RFX4: variants seen among roughly 807,000 people sequenced by gnomAD.
The protein encoded by RFX4 is transcription factor RFX4.
A neutral mutation model predicts 95.0 loss-of-function variants in RFX4; 10 were observed. That is an observed-to-expected ratio of 0.11 (90% confidence interval 0.06 to 0.18). The LOEUF (loss-of-function observed/expected upper bound fraction) is 0.18, where lower values mean the gene tolerates loss of function less well. Ranked by LOEUF, RFX4 falls within the 10% of genes least tolerant of loss-of-function variation. RFX4 has a pLI of 1.00. For missense variants in RFX4, 640 were observed against 922.0 expected (o/e 0.69, Z 3.96); for synonymous variants, 321 against 340.7 (o/e 0.94, Z 0.64).
chr12:106,762,224 A>G lies in RFX4; in HGVS notation c.*755A>G, dbSNP rs2136111147. 1 of 152,772 alleles carries G rather than the reference A, an allele frequency of 6.5e-6. No individual in the cohort carries two copies. Among genetic ancestry groups the G allele is most frequent in the South Asian group, 2.1e-4 (1 of 4,828 alleles). The allele number at this position is 152,772 out of a possible 1,614,324, so 9.5% of individuals were successfully genotyped here. Reference sequence around the variant, plus strand: ...AGTTTGCACAATGGCTAGTGTCAGCAAAAGGCAGGAGAGGGTTTTTGTTTT... The same window carrying G: ...AGTTTGCACAATGGCTAGTGTCAGCGAAAGGCAGGAGAGGGTTTTTGTTTT... On this transcript the variant is annotated 3_prime_UTR_variant, in exon 18 of 18. Transcript: ENST00000392842.
chr12:106,728,114 T>C (rs2042539311), intron 13 of RFX4, among the ~76,000 whole-genome samples: 1 of 152,074 alleles, frequency 6.6e-6, no homozygotes, highest in Admixed American at 6.5e-5. Context: ...ATGATGCATA[T>C]TTTTCATAAG....
At chr12:106,696,542 G>A in intron 8 of RFX4, 96 bp downstream of exon 8, 1 of 1,342,116 alleles carries the variant, frequency 7.5e-7, no homozygotes, top group Non-Finnish European at 1.0e-6. Flanking sequence ...CTGTCCAGAG[G>A]CCTCCCTTGT....
intron 13 of RFX4, among the ~76,000 whole-genome samples, chr12:106,728,121 TAAGA>T (rs1424592877): frequency 6.6e-6 from 1 of 152,106 alleles, no homozygotes; most frequent in Non-Finnish European, 1.5e-5. Flanking sequence ...ATATTTTTCA[TAAGA>T]AAGATGAAAT....
chr12:106,712,912 G>A (rs12578331), intron 10 of RFX4, among the ~76,000 whole-genome samples: 1 of 152,134 alleles, frequency 6.6e-6, no homozygotes, highest in East Asian at 1.9e-4. Flanking sequence ...CTGGGGATCA[G>A]ACAATTTAGA....
intron 14 of RFX4, among the ~76,000 whole-genome samples, chr12:106,732,665 A>G (rs1034770916): frequency 1.3e-5 from 2 of 152,072 alleles, no homozygotes; most frequent in Non-Finnish European, 2.9e-5. Flanking sequence ...GCGCCACTGC[A>G]CTCCAGCCTG....
rs544089576 is a variant in RFX4 at position 106,689,013 on chromosome 12, G to C, written c.592-274G>C. ...GTTTTCCTAGAGCTCACAGTCTCAG[G>C]GGGTGGAAAATGGGGGCAGGAGGAG... On this transcript the variant is annotated intron_variant, in intron 6 of 17. Coordinates refer to ENST00000392842, the MANE Select transcript of RFX4 (RefSeq NM_213594.3). Among the ~76,000 whole-genome samples the C allele has an allele frequency of 9.1e-4, 139 of 152,252 alleles. 1 individual carries two copies. In the South Asian group the frequency reaches 0.027, roughly 30 times the overall value.
chr12:106,721,757 G>A (rs1253722466), intron 13 of RFX4, among the ~76,000 whole-genome samples: 1 of 152,142 alleles, frequency 6.6e-6, no homozygotes, highest in African/African-American at 2.4e-5. Flanking sequence ...TGCAAGTAAG[G>A]GTTGTGGTTT....
At chr12:106,670,896 C>T (rs932010012) in intron 4 of RFX4, among the ~76,000 whole-genome samples, 1 of 152,164 alleles carries the variant, frequency 6.6e-6, no homozygotes. Context: ...AAATTTGTGA[C>T]AATTAGTTCC....
rs754808212 is a variant in RFX4, at chr12:106,688,064, CTT to C, written c.591+989_591+990del. ...AAGTTTCCCTTGGGGTATCACATTTCTTTTTTTTTTTTTTTTTTTTTTTGAGA... is the reference window on the plus strand; with the variant it reads ...AAGTTTCCCTTGGGGTATCACATTTCTTTTTTTTTTTTTTTTTTTTTGAGA... On this transcript the variant is annotated intron_variant, in intron 6 of 17. Coordinates refer to ENST00000392842, the MANE Select transcript of RFX4 (RefSeq NM_213594.3). Among the ~76,000 whole-genome samples the C allele has an allele frequency of 3.6e-4, 35 of 96,226 alleles. No individual in the cohort carries two copies. In the East Asian group the frequency reaches 5.8e-3, roughly 16 times the overall value. The allele number at this position is 96,226 out of a possible 152,430, so 63.1% of individuals were successfully genotyped here. A position where few individuals can be genotyped will look rare whatever the true frequency, so the allele number is the denominator to read the frequency against.
chr12:106,695,977 C>T (rs538129729), intron 7 of RFX4, among the ~76,000 whole-genome samples: 2 of 152,326 alleles, frequency 1.3e-5, no homozygotes, highest in Non-Finnish European at 2.9e-5. Flanking sequence ...TCTTCCCAGA[C>T]CTCAGTAAGC....
chr12:106,629,476 T>G (rs1194890248), intron 2 of RFX4, among the ~76,000 whole-genome samples: 1 of 152,118 alleles, frequency 6.6e-6, no homozygotes, highest in Non-Finnish European at 1.5e-5. Flanking sequence ...TTTGTTGTTT[T>G]GTTTTGTTTT....
Position 106,696,267 on chromosome 12 carries a change from C to T in RFX4, c.670-16C>T. The stretch of plus-strand genomic sequence containing the variant: ...CTGGGTAACCTCATGATTCTTCTCT[C>T]TGTGGGTCAATACAGGTTCAAAGTT... On this transcript the variant is annotated splice_polypyrimidine_tract_variant and intron_variant, in intron 7 of 17. Transcript: ENST00000392842. The T allele has an allele frequency of 6.2e-7, 1 of 1,614,000 alleles. No individual in the cohort carries two copies. Among genetic ancestry groups the T allele is most frequent in the Non-Finnish European group, 8.5e-7 (1 of 1,179,896 alleles).
chr12:106,591,545 C>T (rs552414856), intron 1 of RFX4, among the ~76,000 whole-genome samples: 6 of 152,188 alleles, frequency 3.9e-5, no homozygotes, highest in African/African-American at 1.2e-4. Context: ...GGATTACAGG[C>T]GTGAGCCATC....
intron 15 of RFX4, 191 bp downstream of exon 15, chr12:106,733,276 A>T: frequency 3.5e-6 from 2 of 576,298 alleles, no homozygotes. Context: ...CTACGATCGC[A>T]CCACTGCATT....
intron 15 of RFX4, among the ~76,000 whole-genome samples, 175 bp from the exon 16 acceptor site, chr12:106,747,262 A>C (rs923528776): frequency 6.6e-6 from 1 of 152,224 alleles, no homozygotes. Context: ...GCTGGACCAG[A>C]CAAAACAAAG....
intron 17 of RFX4, among the ~76,000 whole-genome samples, chr12:106,756,930 C>T (rs78483492): frequency 3.8e-4 from 58 of 152,242 alleles, no homozygotes; most frequent in African/African-American, 1.0e-3. Flanking sequence ...GGCCTAGCAC[C>T]GAACTTGGCC....
intron 15 of RFX4, among the ~76,000 whole-genome samples, chr12:106,744,557 C>T (rs2042858930): frequency 6.6e-6 from 1 of 152,132 alleles, no homozygotes; most frequent in African/African-American, 2.4e-5. Context: ...TACCACGTGC[C>T]AAACTCTCTG....
intron 15 of RFX4, among the ~76,000 whole-genome samples, chr12:106,735,689 C>T (rs926720803): frequency 1.5e-5 from 2 of 132,162 alleles, no homozygotes; most frequent in Non-Finnish European, 3.2e-5. Flanking sequence ...TATATGTACA[C>T]ACATGTATTT....
intron 1 of RFX4, among the ~76,000 whole-genome samples, chr12:106,589,653 C>T (rs2039510517): frequency 6.6e-6 from 1 of 152,176 alleles, no homozygotes; most frequent in Non-Finnish European, 1.5e-5. Flanking sequence ...GGCCACATCA[C>T]CTAGACTCTG....
Sources: gnomAD v4.1 joint callset for allele counts (sites outside exome capture counted in the v4.1 genomes callset) on GRCh38, gnomAD v4.1.1 for gene constraint, MANE v1.5 for transcripts, NCBI Gene and HGNC (gene_info 2026-07-23, HGNC 2026-07-21) for gene names.